KYNU: variants seen among roughly 807,000 people sequenced by gnomAD.
KYNU encodes the protein kynureninase, also known as L-kynurenine hydrolase.
In KYNU, 54 loss-of-function variants were observed where a neutral mutation model predicts 59.2. That is an observed-to-expected ratio of 0.91 (90% CI 0.73 to 1.14). The LOEUF (loss-of-function observed/expected upper bound fraction) is 1.14. KYNU is among the 50% of genes most tolerant of loss of function. The pLI, the probability that KYNU is intolerant of heterozygous loss-of-function variation, is 0.00. For synonymous variants in KYNU, 177 were observed against 192.0 expected, an observed-to-expected ratio of 0.92 and a Z score of 0.65; for missense variants, 567 against 554.4, an observed-to-expected ratio of 1.02 and a Z score of -0.23.
At chr2:142,888,938 T>C (rs549160571) in intron 2 of KYNU, among the ~76,000 whole-genome samples, 1 of 150,466 alleles carries the variant, frequency 6.6e-6, no homozygotes, top group African/African-American at 2.5e-5. Context: ...TAAATGATAA[T>C]GAGGGCTGTG....
chr2:143,026,637 C>A (rs1686573410), intron 10 of KYNU, among the ~76,000 whole-genome samples: 1 of 152,204 alleles, frequency 6.6e-6, no homozygotes, highest in African/African-American at 2.4e-5. Context: ...TTAGAACCGG[C>A]AGGATTGAAC....
intron 4 of KYNU, among the ~76,000 whole-genome samples, chr2:142,934,717 G>A (rs1683328834): frequency 6.6e-6 from 1 of 152,198 alleles, no homozygotes; most frequent in East Asian, 1.9e-4. Flanking sequence ...GATGGTAGTT[G>A]CCAGGGTGTC....
rs372047239 is a variant in KYNU, at chr2:142,960,762, C to A, written c.721C>A (p.Gln241Lys). ...FNIPAITKAG[Q>K]AKGCYVGFDL... ...TATTCCTGCCATCACAAAAGCTGGA[C>A]AAGCGAAGGTATGCACGCCATTTAC... The change falls in exon 8 of 14, where the codon CAA becomes AAA. Residue 241 changes from glutamine to lysine, a missense_variant. Coordinates refer to ENST00000264170, the MANE Select transcript of KYNU (RefSeq NM_003937.3). 2.6e-5 allele frequency: 42 copies of A among 1,613,924 alleles called. No individual in the cohort carries two copies. The highest frequency in any genetic ancestry group is 3.4e-5 in the Non-Finnish European group (40 of 1,179,962).
chr2:142,962,972 C>T (rs571283179), intron 8 of KYNU, among the ~76,000 whole-genome samples: 4 of 152,126 alleles, frequency 2.6e-5, no homozygotes, highest in South Asian at 2.1e-4. Context: ...GAACAAAGGG[C>T]ATGACACAGT....
chr2:142,992,068 A>G (rs770372091), intron 10 of KYNU, among the ~76,000 whole-genome samples: 3 of 151,966 alleles, frequency 2.0e-5, no homozygotes, highest in Non-Finnish European at 4.4e-5. Context: ...ATCAGATAAT[A>G]CAGTGAAAAT....
rs542860401 is a variant in KYNU at position 142,935,469 on chromosome 2, G to GT, written c.373+7729dup. The stretch of plus-strand genomic sequence containing the variant: ...CTGGGCAGGAGTTTGGTGATGAATT[G>GT]TATCAGCCTGCGCCTGAGCTAGGGT... On this transcript the variant is annotated intron_variant, in intron 4 of 13. Coordinates refer to ENST00000264170, the MANE Select transcript of KYNU (RefSeq NM_003937.3). 4.7e-3 allele frequency among the ~76,000 whole-genome samples: 710 copies of GT among 152,278 alleles called. 3 individuals carry two copies. The highest frequency in any genetic ancestry group is 0.01 in the Admixed American group (154 of 15,298).
chr2:142,958,000 G>A (rs1684225572), intron 7 of KYNU: 3 of 309,696 alleles, frequency 9.7e-6, no homozygotes, highest in Non-Finnish European at 1.8e-5. Context: ...GGAAAAGGGT[G>A]ACAAATTTAG....
chr2:142,995,268 A>T (rs773943916), intron 10 of KYNU, among the ~76,000 whole-genome samples: 45 of 152,132 alleles, frequency 3.0e-4, no homozygotes, highest in Non-Finnish European at 5.7e-4. Flanking sequence ...ACTAAAATTT[A>T]TCATTTCTGG....
intron 4 of KYNU, chr2:142,947,156 AT>A (rs1169052414): frequency 6.4e-7 from 1 of 1,550,998 alleles, no homozygotes; most frequent in African/African-American, 1.4e-5. Flanking sequence ...TGACCTCAGT[AT>A]GTGTAATCTT....
intron 2 of KYNU, among the ~76,000 whole-genome samples, chr2:142,904,668 C>T (rs1483874421): frequency 6.6e-6 from 1 of 152,150 alleles, no homozygotes. Flanking sequence ...CTGACAAGGC[C>T]GAATTCTCCA....
intron 2 of KYNU, among the ~76,000 whole-genome samples, chr2:142,886,018 G>A (rs1414075792): frequency 6.6e-6 from 1 of 152,108 alleles, no homozygotes; most frequent in Non-Finnish European, 1.5e-5. Flanking sequence ...GATGGCGAGT[G>A]TAAGAGTTAC....
intron 10 of KYNU, among the ~76,000 whole-genome samples, chr2:142,993,933 T>A (rs908739811): frequency 5.9e-5 from 9 of 152,168 alleles, no homozygotes; most frequent in Admixed American, 1.3e-4. Context: ...ATTTATTTTC[T>A]GTTCTAAAAC....
intron 10 of KYNU, among the ~76,000 whole-genome samples, chr2:142,992,585 A>G (rs553397442): frequency 2.0e-5 from 3 of 151,876 alleles, no homozygotes; most frequent in African/African-American, 7.3e-5. Context: ...TTCATTTGTC[A>G]TCAGATATTA....
chr2:143,006,406 C>A (rs185442344), intron 10 of KYNU, among the ~76,000 whole-genome samples: 2 of 151,826 alleles, frequency 1.3e-5, no homozygotes, highest in South Asian at 4.2e-4. Flanking sequence ...GAGGGTCCTA[C>A]GCCCATGGAA....
chr2:142,889,071 G>A (rs983796401), intron 2 of KYNU, among the ~76,000 whole-genome samples: 7 of 151,656 alleles, frequency 4.6e-5, no homozygotes, highest in Non-Finnish European at 7.4e-5. Context: ...CGTGGTCCAC[G>A]TTTATGCTGA....
chr2:142,933,406 A>G (rs1683290102), intron 4 of KYNU, among the ~76,000 whole-genome samples: 1 of 152,098 alleles, frequency 6.6e-6, no homozygotes, highest in African/African-American at 2.4e-5. Flanking sequence ...AGGCTCATGG[A>G]GTGGGGCTTT....
intron 9 of KYNU, 78 bp downstream of exon 9, chr2:142,985,260 C>A: frequency 1.1e-6 from 1 of 877,162 alleles, no homozygotes; most frequent in Non-Finnish European, 2.0e-6. Context: ...GTCTGTGGGC[C>A]AATTTTAAAG....
intron 2 of KYNU, 37 bp from the exon 3 acceptor site, chr2:142,918,572 A>ATTTTTTTTTTTTTTTTTTATCTTTTTTTT: frequency 7.6e-7 from 1 of 1,310,852 alleles, no homozygotes; most frequent in East Asian, 2.8e-5. Context: ...AAAAGCTTTT[A>ATTTTTTTTTTTTTTTTTTATCTTTTTTTT]TTTTTTTTTT....
chr2:142,968,338 A>G (rs1476483614), intron 8 of KYNU, among the ~76,000 whole-genome samples: 4 of 152,194 alleles, frequency 2.6e-5, no homozygotes, highest in African/African-American at 9.6e-5. Flanking sequence ...AAATATTGGT[A>G]GGATTGCAGG....
Sources: allele counts gnomAD v4.1 joint callset (sites outside exome capture counted in the v4.1 genomes callset), GRCh38; gene constraint gnomAD v4.1.1; transcripts MANE v1.5; gene names NCBI Gene and HGNC (gene_info 2026-07-23, HGNC 2026-07-21).